Variants in GPR137C observed in about 807,000 individuals in gnomAD.
GPR137C encodes integral membrane protein GPR137C.
A neutral mutation model predicts 43.4 loss-of-function variants in GPR137C; 27 were observed. That is an observed-to-expected ratio of 0.62 (90% CI 0.46 to 0.86). GPR137C has a LOEUF of 0.86. Among genes scored for constraint, GPR137C ranks in the 40% least tolerant of loss-of-function variants. The pLI is 0.00. For missense variants in GPR137C, 522 were observed against 534.6 expected, an observed-to-expected ratio of 0.98 and a Z score of 0.23; for synonymous variants, 285 against 226.9, an observed-to-expected ratio of 1.26 and a Z score of -2.30.
chr14:52,634,980 T>C lies in GPR137C; in HGVS notation c.1155T>C (p.Thr385=), dbSNP rs1247616993. 6.2e-7 allele frequency: 1 copy of C among 1,612,502 alleles called. No individual in the cohort carries two copies. Among genetic ancestry groups the C allele is most frequent in the Non-Finnish European group, 8.5e-7 (1 of 1,179,314 alleles). Residue 385 remains threonine, a synonymous_variant, in exon 7 of 7, where the codon ACT becomes ACC. Coordinates refer to ENST00000321662, the MANE Select transcript of GPR137C (RefSeq NM_001099652.2). ...SQSLGWYGTM[T]GCGSSSYTVT... ...GTTTGGGCTGGTATGGCACCATGAC[T>C]GGGTGTGGCAGCAGCAGTTACACAG...
intron 3 of GPR137C, among the ~76,000 whole-genome samples, chr14:52,629,191 A>G (rs2039265615): frequency 6.6e-6 from 1 of 152,228 alleles, no homozygotes; most frequent in African/African-American, 2.4e-5. Context: ...TTGTACATCC[A>G]TTTTGGGAAA....
intron 3 of GPR137C, among the ~76,000 whole-genome samples, chr14:52,606,704 TCTAG>T (rs1480191831): frequency 6.6e-6 from 1 of 152,232 alleles, no homozygotes; most frequent in Non-Finnish European, 1.5e-5. Flanking sequence ...TTTTTGTTAG[TCTAG>T]CTAAGTTTGT....
At chr14:52,566,470 T>A (rs979233656) in intron 1 of GPR137C, among the ~76,000 whole-genome samples, 1 of 152,182 alleles carries the variant, frequency 6.6e-6, no homozygotes, top group African/African-American at 2.4e-5. Context: ...ATTTTTTCTC[T>A]CTCCAAGAGC....
In GPR137C at chr14:52,586,411, A is replaced by G. The variant is rs143605451; in HGVS notation, c.445-11861A>G. Among the ~76,000 whole-genome samples the G allele has an allele frequency of 8.4e-4, 128 of 152,312 alleles. 2 individuals carry two copies. Among genetic ancestry groups the G allele is most frequent in the African/African-American group, 2.3e-3 (97 of 41,570 alleles). ...CTTCTGCTCTGTCAATCTGAAAACT[A>G]TTCTCTGCAAGGTACCAGTGACATA... On this transcript the variant is annotated intron_variant, in intron 1 of 6. Coordinates refer to ENST00000321662, the MANE Select transcript of GPR137C (RefSeq NM_001099652.2).
At chr14:52,601,591 A>G (rs1212431348) in intron 3 of GPR137C, among the ~76,000 whole-genome samples, 2 of 152,010 alleles carry the variant, frequency 1.3e-5, no homozygotes, top group African/African-American at 4.8e-5. Flanking sequence ...TTATTTTATT[A>G]AATTTCTAGT....
chr14:52,565,505 C>A (rs1373834791), intron 1 of GPR137C, among the ~76,000 whole-genome samples: 1 of 152,130 alleles, frequency 6.6e-6, no homozygotes, highest in African/African-American at 2.4e-5. Flanking sequence ...GTCTGCTTTG[C>A]CCCACTATAC....
At chr14:52,633,738 A>C in intron 5 of GPR137C, 83 bp downstream of exon 5, 1 of 1,539,992 alleles carries the variant, frequency 6.5e-7, no homozygotes, top group Non-Finnish European at 8.9e-7. Context: ...TTTTTGGCAA[A>C]GGTTAAGACT....
At chr14:52,577,464 GAGATC>G (rs2038574916) in intron 1 of GPR137C, among the ~76,000 whole-genome samples, 1 of 151,604 alleles carries the variant, frequency 6.6e-6, no homozygotes, top group South Asian at 2.1e-4. Flanking sequence ...TAGCAGAAAA[GAGATC>G]AGAACTGAAT....
In GPR137C at chr14:52,637,504, G is replaced by A. The variant is rs1481094560; in HGVS notation, c.*2389G>A. 1 of 152,092 alleles carries A rather than the reference G, an allele frequency of 6.6e-6. No individual in the cohort carries two copies. The highest frequency in any genetic ancestry group is 6.6e-5 in the Admixed American group (1 of 15,246). 9.4% of individuals were successfully genotyped at this position (152,092 alleles called of 1,614,324 possible). A position where few individuals can be genotyped will look rare whatever the true frequency, so the allele number is the denominator to read the frequency against. ...AAACCTTTACCACTCATTGTAGTTGGTTGTAGTTTTATGGAAAATGTAATT... is the reference window on the plus strand; with the variant it reads ...AAACCTTTACCACTCATTGTAGTTGATTGTAGTTTTATGGAAAATGTAATT... On this transcript the variant is annotated 3_prime_UTR_variant, in exon 7 of 7. Coordinates refer to ENST00000321662, the MANE Select transcript of GPR137C (RefSeq NM_001099652.2).
intron 3 of GPR137C, chr14:52,612,352 A>G (rs1205912524): frequency 5.5e-6 from 5 of 916,634 alleles, no homozygotes; most frequent in Non-Finnish European, 6.5e-6. Context: ...TTCATCATAT[A>G]CCAAAATTAA....
chr14:52,619,832 T>C (rs1318148015), intron 3 of GPR137C, among the ~76,000 whole-genome samples: 1 of 152,100 alleles, frequency 6.6e-6, no homozygotes, highest in African/African-American at 2.4e-5. Flanking sequence ...TATCAAGACA[T>C]GTTTTTAAAT....
intron 1 of GPR137C, among the ~76,000 whole-genome samples, chr14:52,567,459 C>A (rs1277756070): frequency 6.6e-6 from 1 of 152,006 alleles, no homozygotes; most frequent in African/African-American, 2.4e-5. Context: ...ACCTTTATTT[C>A]TTTACTGTAT....
At chr14:52,563,418 G>C (rs1317837944) in intron 1 of GPR137C, among the ~76,000 whole-genome samples, 1 of 152,028 alleles carries the variant, frequency 6.6e-6, no homozygotes, top group African/African-American at 2.4e-5. Context: ...ACATCTTCAT[G>C]GTATCTGATG....
chr14:52,632,298 C>A lies in GPR137C; in HGVS notation c.856C>A (p.Leu286Ile), dbSNP rs1471947612. The A allele has an allele frequency of 6.2e-7, 1 of 1,608,948 alleles. No individual in the cohort carries two copies. The highest frequency in any genetic ancestry group is 8.5e-7 in the Non-Finnish European group (1 of 1,176,798). ...TCCATTTAATTATGGCTGGGATAAT[C>A]TTTCAGATAAGGTAAATACCTACCA... ...ESPFNYGWDN[L>I]SDKAHVEDIS... Residue 286 changes from leucine (L) to isoleucine (I), a missense_variant, in exon 4 of 7, where the codon CTT becomes ATT. Around this residue, in one of 3 missense-constraint regions of GPR137C, gnomAD observed 437 missense variants for 425.7 expected, o/e 1.03. Transcript: ENST00000321662.
chr14:52,563,392 A>C (rs1245146367), intron 1 of GPR137C, among the ~76,000 whole-genome samples: 1 of 152,160 alleles, frequency 6.6e-6, no homozygotes, highest in Non-Finnish European at 1.5e-5. Flanking sequence ...GGCTCTGTAG[A>C]TTCTGCACTG....
At chr14:52,596,903 G>A (rs4901287) in intron 1 of GPR137C, 86,635 of 453,854 alleles carry the variant, frequency 0.19, 9,506 homozygotes, top group East Asian at 0.38. Context: ...TGTCTTCTGC[G>A]TCAACCTTGC....
chr14:52,603,598 A>G (rs1388284281), intron 3 of GPR137C, among the ~76,000 whole-genome samples: 2 of 151,778 alleles, frequency 1.3e-5, no homozygotes, highest in Admixed American at 1.3e-4. Flanking sequence ...CAAGTGGCGC[A>G]CTCTTGGTTC....
intron 1 of GPR137C, among the ~76,000 whole-genome samples, chr14:52,572,164 A>T (rs983857377): frequency 6.6e-6 from 1 of 152,266 alleles, no homozygotes; most frequent in Non-Finnish European, 1.5e-5. Context: ...ACTTTACCAG[A>T]GGTACAAAGA....
chr14:52,577,516 G>GCGCACA (rs369713179), intron 1 of GPR137C, among the ~76,000 whole-genome samples: 51 of 145,506 alleles, frequency 3.5e-4, no homozygotes, highest in Middle Eastern at 3.5e-3. Context: ...GCGCGCGCGC[G>GCGCACA]CACACACACA....
Sources: gnomAD v4.1 joint callset for allele counts (sites outside exome capture counted in the v4.1 genomes callset) on GRCh38, gnomAD v4.1.1 for gene constraint, gnomAD v4.1.1 regional missense constraint, MANE v1.5 for transcripts, NCBI Gene and HGNC (gene_info 2026-07-23, HGNC 2026-07-21) for gene names.